Variants in TBCD observed in about 807,000 individuals in gnomAD.
TBCD encodes tubulin-specific chaperone D.
In TBCD, 105 loss-of-function variants were observed where a neutral mutation model predicts 169.3. The observed-to-expected ratio is 0.62, with a 90% CI of 0.53 to 0.73. TBCD has a LOEUF of 0.73. TBCD is among the 30% of genes least tolerant of loss of function. The pLI, the probability that TBCD is intolerant of heterozygous loss-of-function variation, is 0.00. For missense variants in TBCD, 1,444 were observed against 1,600.1 expected, an observed-to-expected ratio of 0.90 and a Z score of 1.66; for synonymous variants, 700 against 643.9, an observed-to-expected ratio of 1.09 and a Z score of -1.32.
Position 82,864,225 on chromosome 17 carries a change from G to C in TBCD, c.1319-5999G>C, listed in dbSNP as rs2056993316. On this transcript the variant is annotated intron_variant, in intron 13 of 38. Coordinates refer to ENST00000355528, the MANE Select transcript of TBCD (RefSeq NM_005993.5). The surrounding 1 kb of genome is among the most constrained non-coding windows in gnomAD (Gnocchi z 6.3). ...TATCAGCTTCACTTGTGCTTCCAGGGCTCTTTGAAGCGTCTCACTTTTTAA... is the reference window on the plus strand; with the variant it reads ...TATCAGCTTCACTTGTGCTTCCAGGCCTCTTTGAAGCGTCTCACTTTTTAA... The C allele has an allele frequency of 6.6e-6, 1 of 152,220 alleles. No individual in the cohort carries two copies. 9.4% of individuals were successfully genotyped at this position (152,220 alleles called of 1,614,324 possible). A position where few individuals can be genotyped will look rare whatever the true frequency, so the allele number is the denominator to read the frequency against.
Position 82,831,998 on chromosome 17 carries a change from G to A in TBCD, c.1318+17064G>A, listed in dbSNP as rs968728616. ...GCAGAAGGCCGAGCTGCGCCTTCCA[G>A]AGCAGGCTGGGCACCGAGGGCGGCT... On this transcript the variant is annotated intron_variant, in intron 13 of 38. Transcript: ENST00000355528. This position sits in a 1 kb window ranked among gnomAD's most constrained non-coding sequence, Gnocchi z 4.6. 6.2e-7 allele frequency: 1 copy of A among 1,612,942 alleles called. No individual in the cohort carries two copies.
In TBCD at chr17:82,806,094, T is replaced by A; in HGVS notation, c.1087+83T>A. 6.5e-7 allele frequency: 1 copy of A among 1,547,114 alleles called. No individual in the cohort carries two copies. Among genetic ancestry groups the A allele is most frequent in the South Asian group, 1.2e-5 (1 of 82,882 alleles). On this transcript the variant is annotated intron_variant, in intron 10 of 38. Transcript: ENST00000355528. The surrounding 1 kb of genome is among the most constrained non-coding windows in gnomAD (Gnocchi z 5.1). ...CTACTCCAGGACCACACTTCCTTCT[T>A]CCTTGCTGGTGCCGGCACTGTCTGG...
intron 7 of TBCD, among the ~76,000 whole-genome samples, chr17:82,796,247 T>G (rs1182746852): frequency 6.6e-6 from 1 of 152,260 alleles, no homozygotes; most frequent in Non-Finnish European, 1.5e-5. Context: ...CCCCACGGTT[T>G]CTGCTCAGCA....
intron 3 of TBCD, 96 bp from the exon 4 acceptor site, chr17:82,766,171 C>G: frequency 1.1e-6 from 1 of 912,432 alleles, no homozygotes; most frequent in Non-Finnish European, 1.7e-6. Context: ...ATCAGTGGGT[C>G]GCGTAGCTGG....
At chr17:82,783,716 T>C (rs1368780110) in intron 7 of TBCD, among the ~76,000 whole-genome samples, 1 of 152,148 alleles carries the variant, frequency 6.6e-6, no homozygotes, top group African/African-American at 2.4e-5. Context: ...AGCCAACGTG[T>C]GGGTATTTTC....
intron 16 of TBCD, among the ~76,000 whole-genome samples, chr17:82,891,496 GAGC>G (rs1009645530): frequency 1.3e-5 from 2 of 152,220 alleles, no homozygotes; most frequent in African/African-American, 2.4e-5. Context: ...CGCAGGTGCG[GAGC>G]GTCTCCCAGC....
In TBCD at chr17:82,924,931, C is replaced by T; in HGVS notation, c.2261-8C>T. The T allele has an allele frequency of 6.4e-7, 1 of 1,555,332 alleles. No individual in the cohort carries two copies. The highest frequency in any genetic ancestry group is 8.7e-7 in the Non-Finnish European group (1 of 1,148,512). ...GGGCCTCTCTTCACACTCGTTGCTT[C>T]CTTTCAGAGGAGCTGATCACGCAGT... On this transcript the variant is annotated splice_polypyrimidine_tract_variant and splice_region_variant and intron_variant, in intron 26 of 38. Coordinates refer to ENST00000355528, the MANE Select transcript of TBCD (RefSeq NM_005993.5).
chr17:82,855,270 TTAA>T (rs2056172548), intron 13 of TBCD, among the ~76,000 whole-genome samples: 1 of 95,558 alleles, frequency 1.0e-5, no homozygotes, highest in African/African-American at 4.2e-5. Flanking sequence ...TTTTTTTTTT[TTAA>T]TTTTTTAGAG....
chr17:82,796,744 G>T (rs1568146773), intron 7 of TBCD, among the ~76,000 whole-genome samples: 1 of 152,218 alleles, frequency 6.6e-6, no homozygotes, highest in African/African-American at 2.4e-5. Context: ...CGGGCTCCAT[G>T]GAGAGAGTCT....
chr17:82,847,060 A>G (rs1006963921), intron 13 of TBCD, among the ~76,000 whole-genome samples: 3 of 152,214 alleles, frequency 2.0e-5, no homozygotes, highest in African/African-American at 7.2e-5. Flanking sequence ...TTTCTCATTA[A>G]AAAGAAACAG....
rs2062791866 is a variant in TBCD at position 82,938,149 on chromosome 17, C to T, written c.3369+13C>T. On this transcript the variant is annotated intron_variant, in intron 36 of 38. Coordinates refer to ENST00000355528, the MANE Select transcript of TBCD (RefSeq NM_005993.5). ...CCGTTTCCCGCTGGTGAGTGCCTGC[C>T]CCTGCTCACGTGTGTTTGCCGTGTG... 6.2e-7 allele frequency: 1 copy of T among 1,609,800 alleles called. No homozygotes were observed. The highest frequency in any genetic ancestry group is 8.5e-7 in the Non-Finnish European group (1 of 1,179,060).
chr17:82,759,888 GTT>G (rs71885635), intron 2 of TBCD, among the ~76,000 whole-genome samples: 29 of 121,450 alleles, frequency 2.4e-4, no homozygotes, highest in Non-Finnish European at 3.0e-4. Context: ...TCGTTTGTTT[GTT>G]TTTTTTTTTT....
intron 13 of TBCD, among the ~76,000 whole-genome samples, chr17:82,858,985 C>T (rs546641970): frequency 6.6e-6 from 1 of 152,328 alleles, no homozygotes; most frequent in South Asian, 2.1e-4. Flanking sequence ...CGGGGCCAGG[C>T]TGCGTGGCAA....
At chr17:82,906,102 C>T in intron 20 of TBCD, 49 bp downstream of exon 20, 1 of 1,407,622 alleles carries the variant, frequency 7.1e-7, no homozygotes, top group Non-Finnish European at 9.9e-7. Flanking sequence ...CCCTGATCCC[C>T]TCACCATGTA....
intron 13 of TBCD, chr17:82,858,572 T>A: frequency 1.0e-6 from 1 of 985,502 alleles, no homozygotes; most frequent in Non-Finnish European, 1.2e-6. Context: ...TGGCTGGGGC[T>A]TCTGTTGATG....
intron 13 of TBCD, among the ~76,000 whole-genome samples, chr17:82,858,220 T>C (rs1379700675): frequency 6.6e-6 from 1 of 152,196 alleles, no homozygotes; most frequent in Non-Finnish European, 1.5e-5. Context: ...AGCCAGCCTT[T>C]GTTGTTTTTG....
chr17:82,940,518 C>A (rs754988345), intron 37 of TBCD, among the ~76,000 whole-genome samples: 3 of 152,190 alleles, frequency 2.0e-5, no homozygotes, highest in Non-Finnish European at 2.9e-5. Flanking sequence ...GACCTTCCAA[C>A]AGGGCTGGGT....
rs1175115744 is a variant in TBCD at position 82,944,090 on chromosome 17, A to ATGAAC, written c.*1630_*1634dup. The ATGAAC allele has an allele frequency of 6.6e-6, 1 of 152,238 alleles. No individual in the cohort carries two copies. The highest frequency in any genetic ancestry group is 1.5e-5 in the Non-Finnish European group (1 of 68,044). 9.4% of individuals were successfully genotyped at this position (152,238 alleles called of 1,614,324 possible). On this transcript the variant is annotated 3_prime_UTR_variant, in exon 39 of 39. Transcript: ENST00000355528. ...ACAAGTGGCTTCTGAGAAAAACATG[A>ATGAAC]TGAACTGTTCTTAGTGCAATTAAAA... is the stretch of plus-strand genomic sequence containing the variant.
At chr17:82,877,054 TTAAATA>T (rs2058027455) in intron 14 of TBCD, 1 of 821,930 alleles carries the variant, frequency 1.2e-6, no homozygotes, top group Non-Finnish European at 1.5e-6. Context: ...GTTCCACACT[TTAAATA>T]TAGTAATTTA....
Sources: gnomAD v4.1 joint callset for allele counts (sites outside exome capture counted in the v4.1 genomes callset) on GRCh38, gnomAD v4.1.1 for gene constraint, Gnocchi (gnomAD v3.1) non-coding constraint, MANE v1.5 for transcripts, NCBI Gene and HGNC (gene_info 2026-07-23, HGNC 2026-07-21) for gene names.